The following POLQ variants were observed in gnomAD, a reference collection of about 807,000 sequenced individuals.
POLQ encodes the protein DNA polymerase theta.
Under a neutral mutation model 259.2 loss-of-function variants are expected in POLQ, and 233 were observed. The ratio of observed to expected loss-of-function variants is 0.90; its 90% confidence interval spans 0.81 to 1.00. The LOEUF is 1.00. Ranked by LOEUF, POLQ falls within the 50% of genes least tolerant of loss-of-function variation. The pLI is 0.00. For missense variants in POLQ, 2,871 were observed against 3,051.6 expected (o/e 0.94, Z 1.39); for synonymous variants, 1,025 against 1,048.8 (o/e 0.98, Z 0.44).
intron 16 of POLQ, among the ~76,000 whole-genome samples, chr3:121,486,919 G>GAA (rs1560096389): frequency 3.4e-5 from 5 of 147,436 alleles, no homozygotes; most frequent in East Asian, 3.9e-4. Context: ...GAGAGAGAGA[G>GAA]AGAAAGAAAA....
chr3:121,434,308 C>A (rs2047525835), intron 28 of POLQ, among the ~76,000 whole-genome samples: 1 of 152,194 alleles, frequency 6.6e-6, no homozygotes, highest in African/African-American at 2.4e-5. Context: ...ATATCGCCTT[C>A]CACTGACTCT....
Position 121,481,671 on chromosome 3 carries a change from T to C in POLQ, c.6112A>G (p.Ser2038Gly), listed in dbSNP as rs1409339286. 6.8e-6 allele frequency: 11 copies of C among 1,614,120 alleles called. No homozygotes were observed. The highest frequency in any genetic ancestry group is 9.3e-6 in the Non-Finnish European group (11 of 1,179,986). The change falls in exon 19 of 30, where the codon AGT (serine) becomes GGT (glycine). Residue 2038 changes from serine (S) to glycine (G), a missense_variant. By Grantham distance (56) the Ser-to-Gly change is moderately conservative. This residue lies in a region of POLQ where 2,080 missense variants were observed against 2,126.0 expected (regional missense o/e 0.98). Transcript: ENST00000264233. ...GCTCTGTATCGCCCAGAATGCTCACTGCCAGCATTTAGCCCCAGGCTTTGA... is the reference window on the plus strand; with the variant it reads ...GCTCTGTATCGCCCAGAATGCTCACCGCCAGCATTTAGCCCCAGGCTTTGA... ...GIQSLGLNAG[S>G]EHSGRYRASV... is the part of the protein sequence containing the mutation.
At position 121,533,062 on chromosome 3, in the gene POLQ, T is replaced by C. The variant is rs534175498; in HGVS notation, c.888A>G (p.Val296=). 32 of 1,614,070 alleles carry C rather than the reference T, an allele frequency of 2.0e-5. No homozygotes were observed. The highest frequency in any genetic ancestry group is 1.8e-4 in the South Asian group (16 of 91,068). ...DFRPVPLLES[V]KVGNSIYDSS... ...AGTCATATATGGAATTTCCAACTTTTACTGACTCCAAAAGCGGTACAGGGC... is the reference window on the plus strand; with the variant it reads ...AGTCATATATGGAATTTCCAACTTTCACTGACTCCAAAAGCGGTACAGGGC... The change falls in exon 6 of 30, where the codon GTA becomes GTG. Residue 296 remains valine, a synonymous_variant. Coordinates refer to ENST00000264233, the MANE Select transcript of POLQ (RefSeq NM_199420.4).
intron 14 of POLQ, chr3:121,494,934 A>G: frequency 1.1e-6 from 1 of 945,746 alleles, no homozygotes; most frequent in Non-Finnish European, 1.6e-6. Flanking sequence ...TTTTCTGTAT[A>G]TAAAAATAAT....
intron 9 of POLQ, among the ~76,000 whole-genome samples, chr3:121,517,128 C>T (rs979567686): frequency 6.6e-6 from 1 of 152,088 alleles, no homozygotes; most frequent in Non-Finnish European, 1.5e-5. Context: ...CCCTCTGTCC[C>T]GAGAGACAAT....
intron 6 of POLQ, 100 bp from the exon 7 acceptor site, chr3:121,529,892 C>T (rs907317146): frequency 1.3e-6 from 1 of 784,232 alleles, no homozygotes; most frequent in Non-Finnish European, 2.0e-6. Flanking sequence ...GCTTTTTCTT[C>T]TTTAAGGCAT....
At chr3:121,516,400 A>G (rs1412245354) in intron 9 of POLQ, among the ~76,000 whole-genome samples, 3 of 152,214 alleles carry the variant, frequency 2.0e-5, no homozygotes, top group Non-Finnish European at 4.4e-5. Context: ...AGCAAGATAA[A>G]CAAGCCACTT....
At chr3:121,452,397 A>T (rs989556463) in intron 25 of POLQ, among the ~76,000 whole-genome samples, 1 of 152,012 alleles carries the variant, frequency 6.6e-6, no homozygotes, top group South Asian at 2.1e-4. Context: ...AGCTGTTCCA[A>T]TTCGGCCATC....
intron 15 of POLQ, among the ~76,000 whole-genome samples, chr3:121,490,979 C>A (rs1428463158): frequency 6.6e-6 from 1 of 151,986 alleles, no homozygotes; most frequent in Non-Finnish European, 1.5e-5. Context: ...CACTCGAACC[C>A]AGGAGGCGTT....
At chr3:121,433,896 G>C (rs147025569) in intron 28 of POLQ, among the ~76,000 whole-genome samples, 4 of 152,322 alleles carry the variant, frequency 2.6e-5, no homozygotes, top group Admixed American at 6.5e-5. Flanking sequence ...CCCTCAGGGA[G>C]AGAGTTCTTC....
chr3:121,486,130 GGT>G (rs2108796500), intron 16 of POLQ, among the ~76,000 whole-genome samples: 2 of 152,236 alleles, frequency 1.3e-5, no homozygotes, highest in South Asian at 4.2e-4. Flanking sequence ...CTATCATGGA[GGT>G]CTAAGTTCTA....
At position 121,458,398 on chromosome 3, in the gene POLQ, AAAAT is replaced by A. The variant is rs574702472; in HGVS notation, c.7152+1648_7152+1651del. Among the ~76,000 whole-genome samples, 13 of 151,876 alleles carry A rather than the reference AAAAT, an allele frequency of 8.6e-5. No individual in the cohort carries two copies. In the East Asian group the frequency reaches 1.7e-3, roughly 20 times the overall value. On this transcript the variant is annotated intron_variant, in intron 25 of 29. Coordinates refer to ENST00000264233, the MANE Select transcript of POLQ (RefSeq NM_199420.4). ...CTTAAAGTATAATAATAATAAAATA[AAAAT>A]AAATAAATAAATAAATAAAAGGAAG...
chr3:121,534,023 C>T (rs2048431163), intron 5 of POLQ, among the ~76,000 whole-genome samples: 1 of 150,752 alleles, frequency 6.6e-6, no homozygotes, highest in Non-Finnish European at 1.5e-5. Flanking sequence ...ACTACAGGCG[C>T]CCACCACCAC....
intron 25 of POLQ, among the ~76,000 whole-genome samples, chr3:121,456,997 C>T (rs957970734): frequency 2.0e-5 from 3 of 152,156 alleles, no homozygotes; most frequent in African/African-American, 7.2e-5. Context: ...TACAAGGCTA[C>T]AGTAACCAAA....
At chr3:121,525,210 G>A (rs1191419259) in intron 7 of POLQ, among the ~76,000 whole-genome samples, 2 of 151,956 alleles carry the variant, frequency 1.3e-5, no homozygotes, top group Non-Finnish European at 2.9e-5. Flanking sequence ...GCGTGGTGGT[G>A]GGCACCTGTA....
chr3:121,509,911 G>A (rs2048239617), intron 11 of POLQ, 128 bp downstream of exon 11: 1 of 876,628 alleles, frequency 1.1e-6, no homozygotes, highest in Non-Finnish European at 1.8e-6. Context: ...AAAATGAGTT[G>A]ATACACTGCT....
chr3:121,446,884 T>C (rs2047636250), intron 26 of POLQ, among the ~76,000 whole-genome samples: 1 of 152,122 alleles, frequency 6.6e-6, no homozygotes, highest in African/African-American at 2.4e-5. Context: ...GGTCTTGTTT[T>C]TCTTTTTTTA....
In POLQ at chr3:121,524,504, T is replaced by A. The variant is rs771060907; in HGVS notation, c.1109-2355A>T. Among the ~76,000 whole-genome samples the A allele has an allele frequency of 3.7e-4, 57 of 152,204 alleles. 1 individual carries two copies. Among genetic ancestry groups the A allele is most frequent in the Non-Finnish European group, 6.9e-4 (47 of 68,022 alleles). On this transcript the variant is annotated intron_variant, in intron 7 of 29. Transcript: ENST00000264233. The stretch of plus-strand genomic sequence containing the variant: ...TCAGTAAAAATATATACTATGATTA[T>A]AGCCATTAGTATATACTAGATCACC...
In POLQ at chr3:121,489,133, AC is replaced by A; in HGVS notation, c.3797del (p.Ser1266MetfsTer21). 6.2e-7 allele frequency: 1 copy of A among 1,613,876 alleles called. No homozygotes were observed. The highest frequency in any genetic ancestry group is 8.5e-7 in the Non-Finnish European group (1 of 1,179,834). On this transcript the variant is annotated frameshift_variant, in exon 16 of 30. Transcript: ENST00000264233. LOFTEE classifies it high-confidence loss of function. ...GDDISRTVIP[S>X]EVLPSAGAFS... ...ATGCTCCAGCTGATGGAAGTACTTCACTGGGTATCACAGTTCTGCTTATATC... is the reference window on the plus strand; with the variant it reads ...ATGCTCCAGCTGATGGAAGTACTTCATGGGTATCACAGTTCTGCTTATATC...
Sources: gnomAD v4.1 joint callset for allele counts (sites outside exome capture counted in the v4.1 genomes callset) on GRCh38, gnomAD v4.1.1 for gene constraint, gnomAD v4.1.1 regional missense constraint, MANE v1.5 for transcripts, NCBI Gene and HGNC (gene_info 2026-07-23, HGNC 2026-07-21) for gene names.